TRIP11: variants seen among roughly 807,000 people sequenced by gnomAD.
TRIP11 encodes the protein thyroid hormone receptor interactor 11.
Under a neutral mutation model 223.1 loss-of-function variants are expected in TRIP11, and 148 were observed. That is an observed-to-expected ratio of 0.66 (90% confidence interval 0.58 to 0.76). TRIP11 has a LOEUF of 0.76. Among genes scored for constraint, TRIP11 ranks in the 30% least tolerant of loss-of-function variants. The pLI is 0.00. For missense variants in TRIP11, 2,043 were observed against 2,222.0 expected (o/e 0.92, Z 1.62); for synonymous variants, 762 against 772.6 (o/e 0.99, Z 0.23).
chr14:92,011,181 A>G, intron 8 of TRIP11, 109 bp from the exon 9 acceptor site: 1 of 999,064 alleles, frequency 1.0e-6, no homozygotes, highest in Non-Finnish European at 1.5e-6. Context: ...CTTTAATGAT[A>G]TGTAGTAATT....
chr14:91,969,869 C>T lies in TRIP11; in HGVS notation c.5744G>A (p.Arg1915Lys). The T allele has an allele frequency of 6.2e-7, 1 of 1,614,136 alleles. No homozygotes were observed. Among genetic ancestry groups the T allele is most frequent in the Non-Finnish European group, 8.5e-7 (1 of 1,180,012 alleles). ...CAAAAACGGATTTACATCTGTTCTT[C>T]TACCAGACCTGGATTCTGCTGTATC... is the stretch of plus-strand genomic sequence containing the variant. The part of the protein sequence containing the change: ...FKDTAESRSG[R>K]RTDVNPFLAP... Residue 1915 changes from arginine to lysine, a missense_variant, in exon 21 of 21, where the codon AGA (arginine) becomes AAA (lysine). Transcript: ENST00000267622.
At position 91,969,773 on chromosome 14, in the gene TRIP11, A is replaced by G; in HGVS notation, c.5840T>C (p.Leu1947Pro). The G allele has an allele frequency of 6.2e-7, 1 of 1,614,160 alleles. No homozygotes were observed. Among genetic ancestry groups the G allele is most frequent in the Non-Finnish European group, 8.5e-7 (1 of 1,180,028 alleles). The change falls in exon 21 of 21, where the codon CTT (leucine) becomes CCT (proline). Residue 1947 changes from leucine to proline, a missense_variant. Coordinates refer to ENST00000267622, the MANE Select transcript of TRIP11 (RefSeq NM_004239.4). ...CAAAACATCTGAGATGGGTTTCAGA[A>G]GAAGATGCCCGGGCCCACCAGGTCC... is the stretch of plus-strand genomic sequence containing the variant. ...GLGPGGPGHL[L>P]LKPISDVLPT...
intron 11 of TRIP11, among the ~76,000 whole-genome samples, chr14:92,002,842 A>G (rs2056844437): frequency 6.6e-6 from 1 of 152,020 alleles, no homozygotes; most frequent in Non-Finnish European, 1.5e-5. Context: ...TGGCCTCCCA[A>G]ACTGCTGAGA....
rs1258395377 is a variant in TRIP11 at position 92,003,656 on chromosome 14, C to T, written c.4320G>A (p.Leu1440=). ...FTNKVNENEL[L]RQAVTNLKER... is the part of the protein sequence containing the mutation. ...CCTTCAGGTTTGTTACTGCCTGCCT[C>T]AAAAGTTCGTTTTCATTTACTTTGT... The change falls in exon 11 of 21, where the codon TTG becomes TTA. Residue 1440 remains leucine (L), a synonymous_variant. Coordinates refer to ENST00000267622, the MANE Select transcript of TRIP11 (RefSeq NM_004239.4). 1 of 1,614,128 alleles carries T rather than the reference C, an allele frequency of 6.2e-7. No homozygotes were observed. The highest frequency in any genetic ancestry group is 1.7e-5 in the Admixed American group (1 of 60,018).
intron 12 of TRIP11, 53 bp from the exon 13 acceptor site, chr14:91,999,486 C>A: frequency 6.4e-7 from 1 of 1,555,240 alleles, no homozygotes; most frequent in Non-Finnish European, 8.8e-7. Flanking sequence ...TCCACTGCTA[C>A]AAACCATTTT....
chr14:91,981,903 C>T (rs974252236), intron 16 of TRIP11, among the ~76,000 whole-genome samples: 28 of 151,848 alleles, frequency 1.8e-4, no homozygotes, highest in African/African-American at 6.3e-4. Flanking sequence ...TCATTTGATG[C>T]CAGGAGTTCA....
At chr14:92,036,482 C>T (rs1040453353) in intron 1 of TRIP11, among the ~76,000 whole-genome samples, 61 of 152,072 alleles carry the variant, frequency 4.0e-4, no homozygotes, top group African/African-American at 1.3e-3. Context: ...AATAATTTGC[C>T]AAAAATCCCA....
At chr14:92,033,159 A>C (rs1291902231) in intron 2 of TRIP11, 33 bp downstream of exon 2, 3 of 1,586,110 alleles carry the variant, frequency 1.9e-6, no homozygotes, top group East Asian at 2.2e-5. Flanking sequence ...ACTTCAAAAA[A>C]GAAAAATCTA....
intron 20 of TRIP11, among the ~76,000 whole-genome samples, chr14:91,970,885 G>C (rs2056393652): frequency 6.6e-6 from 1 of 152,122 alleles, no homozygotes; most frequent in South Asian, 2.1e-4. Flanking sequence ...ATAATGAAAG[G>C]CTTAAGGAGT....
In TRIP11 at chr14:91,988,299, C is replaced by T. The variant is rs1472031759; in HGVS notation, c.5245G>A (p.Glu1749Lys). Residue 1749 changes from glutamate to lysine, a missense_variant, in exon 16 of 21, where the codon GAA becomes AAA. Physicochemically the swap from Glu to Lys is moderately conservative, Grantham distance 56. Transcript: ENST00000267622. ...AAAAACCTACTTTGTCTTTTAAGTT[C>T]TTCAATTTGTTCTTCTTTTACATCT... ...QLDVKEEQIE[E>K]LKRQNELRQE... 1.2e-6 allele frequency: 2 copies of T among 1,612,122 alleles called. No individual in the cohort carries two copies. The highest frequency in any genetic ancestry group is 2.2e-5 in the South Asian group (2 of 90,926).
intron 15 of TRIP11, among the ~76,000 whole-genome samples, chr14:91,992,908 C>CAAAAAAAAAAA (rs550702989): frequency 1.0e-4 from 3 of 29,254 alleles, no homozygotes; most frequent in East Asian, 1.9e-3. Context: ...GACTCCGTCT[C>CAAAAAAAAAAA]AAAAAAAAAA....
chr14:92,038,180 A>G (rs1323204285), intron 1 of TRIP11, among the ~76,000 whole-genome samples: 1 of 152,230 alleles, frequency 6.6e-6, no homozygotes, highest in Non-Finnish European at 1.5e-5. Flanking sequence ...GAGTGAAGCT[A>G]TTAAGAATGA....
chr14:92,025,782 A>C (rs1156670462), intron 2 of TRIP11, among the ~76,000 whole-genome samples: 2 of 151,246 alleles, frequency 1.3e-5, no homozygotes, highest in African/African-American at 2.4e-5. Flanking sequence ...CGCGAGGCTG[A>C]GGCAGGGGAA....
In TRIP11 at chr14:92,005,182, A is replaced by G. The variant is rs1436109114; in HGVS notation, c.2794T>C (p.Ser932Pro). ...QNQSKMQLLQ[S>P]LQEQKKEMDE... Reference sequence around the variant, plus strand: ...ATTTCCTTCTTTTGCTCTTGTAAAGACTGAAGTAGTTGCATCTTACTCTGG... The same window carrying G: ...ATTTCCTTCTTTTGCTCTTGTAAAGGCTGAAGTAGTTGCATCTTACTCTGG... The change falls in exon 11 of 21, where the codon TCT becomes CCT. Residue 932 changes from serine to proline, a missense_variant. Physicochemically the swap from Ser to Pro is moderately conservative, Grantham distance 74. Coordinates refer to ENST00000267622, the MANE Select transcript of TRIP11 (RefSeq NM_004239.4). 1.2e-6 allele frequency: 2 copies of G among 1,614,012 alleles called. No individual in the cohort carries two copies. The highest frequency in any genetic ancestry group is 1.7e-6 in the Non-Finnish European group (2 of 1,180,042).
At chr14:91,971,117 A>C (rs1287193606) in intron 20 of TRIP11, among the ~76,000 whole-genome samples, 2 of 152,232 alleles carry the variant, frequency 1.3e-5, no homozygotes, top group Non-Finnish European at 2.9e-5. Context: ...CTAATGTCTT[A>C]GTGGACAGAT....
At position 92,032,965 on chromosome 14, in the gene TRIP11, AT is replaced by A. The variant is rs559307468; in HGVS notation, c.201+226del. 1.6e-4 allele frequency among the ~76,000 whole-genome samples: 25 copies of A among 152,308 alleles called. No homozygotes were observed. The South Asian group carries it at 5.0e-3, about 30-fold the overall frequency. ...TCTACATTTGGCAGTTTTCCTACTT[AT>A]ACAGAAATAGAGATGGGAATATTAA... On this transcript the variant is annotated intron_variant, in intron 2 of 20. Transcript: ENST00000267622.
At position 91,999,987 on chromosome 14, in the gene TRIP11, T is replaced by C. The variant is rs142039167; in HGVS notation, c.4679A>G (p.Asn1560Ser). ...MLALKQKQMENTALQNEVQRL... is the reference protein window; with the variant it reads ...MLALKQKQMESTALQNEVQRL... Reference sequence around the variant, plus strand: ...GTATACCTCATTCTGTAGGGCAGTATTTTCCATTTGTTTTTGTTTCAGGGC... The same window carrying C: ...GTATACCTCATTCTGTAGGGCAGTACTTTCCATTTGTTTTTGTTTCAGGGC... Residue 1560 changes from asparagine to serine, a missense_variant, in exon 12 of 21, where the codon AAT becomes AGT. Coordinates refer to ENST00000267622, the MANE Select transcript of TRIP11 (RefSeq NM_004239.4). 6.2e-7 allele frequency: 1 copy of C among 1,613,978 alleles called. No homozygotes were observed. The highest frequency in any genetic ancestry group is 1.7e-5 in the Admixed American group (1 of 60,014).
intron 7 of TRIP11, among the ~76,000 whole-genome samples, chr14:92,012,995 G>A (rs2056990809): frequency 6.6e-6 from 1 of 152,168 alleles, no homozygotes; most frequent in African/African-American, 2.4e-5. Context: ...TCAGCTGGGG[G>A]CGGTGGCTCA....
intron 16 of TRIP11, among the ~76,000 whole-genome samples, chr14:91,982,334 G>A (rs942982423): frequency 6.6e-6 from 1 of 152,076 alleles, no homozygotes; most frequent in African/African-American, 2.4e-5. Context: ...TTACTCCTCT[G>A]GCATGTGAGA....
Sources: gnomAD v4.1 joint callset for allele counts (sites outside exome capture counted in the v4.1 genomes callset) on GRCh38, gnomAD v4.1.1 for gene constraint, MANE v1.5 for transcripts, NCBI Gene and HGNC (gene_info 2026-07-23, HGNC 2026-07-21) for gene names.